CDC14A: variants seen among roughly 807,000 people sequenced by gnomAD.
CDC14A encodes the protein dual specificity protein phosphatase CDC14A.
A neutral mutation model predicts 74.4 loss-of-function variants in CDC14A; 53 were observed. That is an observed-to-expected ratio of 0.71 (90% confidence interval 0.57 to 0.89). The LOEUF is 0.89. Among genes scored for constraint, CDC14A ranks in the 40% least tolerant of loss-of-function variants. The pLI is 0.00. For missense variants in CDC14A, 646 were observed against 713.7 expected (o/e 0.91, Z 1.08); for synonymous variants, 247 against 258.4 (o/e 0.96, Z 0.43).
At chr1:100,492,804 C>T (rs1288456783) in intron 11 of CDC14A, among the ~76,000 whole-genome samples, 1 of 151,770 alleles carries the variant, frequency 6.6e-6, no homozygotes, top group Non-Finnish European at 1.5e-5. Context: ...GAAGACATTT[C>T]TCCCTTCTAA....
chr1:100,416,197 G>A (rs1389666842), intron 4 of CDC14A, among the ~76,000 whole-genome samples: 2 of 152,126 alleles, frequency 1.3e-5, no homozygotes, highest in Non-Finnish European at 2.9e-5. Context: ...TCTTTTCATG[G>A]ACTTGTGTGG....
intron 9 of CDC14A, among the ~76,000 whole-genome samples, chr1:100,463,403 A>G (rs1315646513): frequency 3.9e-5 from 6 of 152,074 alleles, no homozygotes; most frequent in African/African-American, 2.4e-5. Context: ...GCTAGGGGCA[A>G]TCCGCTAGCT....
intron 4 of CDC14A, among the ~76,000 whole-genome samples, chr1:100,417,097 G>A (rs1661627266): frequency 6.6e-6 from 1 of 152,130 alleles, no homozygotes; most frequent in Admixed American, 6.6e-5. Flanking sequence ...GAAACAAACT[G>A]GTATACGAAT....
intron 5 of CDC14A, among the ~76,000 whole-genome samples, chr1:100,425,186 A>G (rs904570258): frequency 2.0e-5 from 3 of 152,136 alleles, no homozygotes; most frequent in African/African-American, 7.2e-5. Context: ...AAATACATAC[A>G]TACATACAGT....
At chr1:100,450,562 C>T (rs993698931) in intron 7 of CDC14A, among the ~76,000 whole-genome samples, 1 of 152,078 alleles carries the variant, frequency 6.6e-6, no homozygotes, top group Admixed American at 6.5e-5. Flanking sequence ...GAAGCATTCT[C>T]CTGGAGCTGT....
chr1:100,431,105 C>G (rs1448913085), intron 5 of CDC14A, among the ~76,000 whole-genome samples: 1 of 152,198 alleles, frequency 6.6e-6, no homozygotes, highest in Non-Finnish European at 1.5e-5. Context: ...TGAAAAAAGA[C>G]TCTTTGTCAG....
At chr1:100,512,519 T>A (rs1649866412) in intron 15 of CDC14A, among the ~76,000 whole-genome samples, 1 of 152,146 alleles carries the variant, frequency 6.6e-6, no homozygotes. Context: ...TTTAACTGAG[T>A]TTGCATCAAT....
intron 10 of CDC14A, among the ~76,000 whole-genome samples, chr1:100,474,385 G>A (rs942238834): frequency 2.0e-5 from 3 of 152,118 alleles, no homozygotes; most frequent in African/African-American, 7.2e-5. Context: ...CTGTTTCCTG[G>A]AAGAGATTGT....
intron 15 of CDC14A, among the ~76,000 whole-genome samples, chr1:100,512,443 G>A (rs917108761): frequency 4.6e-5 from 7 of 152,050 alleles, no homozygotes; most frequent in African/African-American, 1.7e-4. Context: ...TTTAATATAC[G>A]GTAATCTGGG....
intron 2 of CDC14A, among the ~76,000 whole-genome samples, chr1:100,356,958 G>T (rs1652003033): frequency 6.6e-6 from 1 of 151,824 alleles, no homozygotes; most frequent in African/African-American, 2.4e-5. Flanking sequence ...GAAGCCATGT[G>T]ACCTGGCAAC....
At chr1:100,360,564 C>G (rs1278487050) in intron 2 of CDC14A, among the ~76,000 whole-genome samples, 1 of 151,636 alleles carries the variant, frequency 6.6e-6, no homozygotes, top group Non-Finnish European at 1.5e-5. Flanking sequence ...AGGCTGGTCT[C>G]GAACTCCTGG....
intron 4 of CDC14A, among the ~76,000 whole-genome samples, chr1:100,406,090 A>G (rs566948086): frequency 6.7e-4 from 102 of 152,244 alleles, no homozygotes; most frequent in Non-Finnish European, 1.4e-3. Context: ...ATGAGATGGT[A>G]TCTCATTGTG....
upstream of CDC14A, among the ~76,000 whole-genome samples, chr1:100,347,529 C>T (rs1177964352): frequency 6.6e-6 from 1 of 152,194 alleles, no homozygotes; most frequent in Non-Finnish European, 1.5e-5. Context: ...AGGCTAAGGT[C>T]TTATCATTTG....
chr1:100,470,291 A>C (rs1668265148), intron 10 of CDC14A, among the ~76,000 whole-genome samples: 3 of 152,122 alleles, frequency 2.0e-5, no homozygotes, highest in Admixed American at 2.0e-4. Context: ...AATAGAAGGA[A>C]ATTTCCTCAT....
chr1:100,353,478 C>T (rs1393585891), intron 1 of CDC14A, among the ~76,000 whole-genome samples: 1 of 152,230 alleles, frequency 6.6e-6, no homozygotes, highest in African/African-American at 2.4e-5. Flanking sequence ...ACCAAACTTG[C>T]ACCTCCAGTT....
At chr1:100,356,252 G>A (rs1364457292) in intron 2 of CDC14A, among the ~76,000 whole-genome samples, 1 of 152,202 alleles carries the variant, frequency 6.6e-6, no homozygotes, top group East Asian at 1.9e-4. Context: ...GACTTGATTT[G>A]TGCTAATTAC....
intron 3 of CDC14A, among the ~76,000 whole-genome samples, chr1:100,389,145 G>C: frequency 7.2e-6 from 1 of 139,774 alleles, no homozygotes; most frequent in Admixed American, 7.5e-5. Context: ...CTGCGCTCCA[G>C]CCTGGGTGCT....
At chr1:100,401,280 C>T (rs1184344450) in intron 4 of CDC14A, among the ~76,000 whole-genome samples, 3 of 152,172 alleles carry the variant, frequency 2.0e-5, no homozygotes, top group African/African-American at 4.8e-5. Context: ...ACAATAGCCC[C>T]AGTATCTAGA....
chr1:100,509,689 T>C (rs549996944), intron 15 of CDC14A, among the ~76,000 whole-genome samples: 55 of 152,358 alleles, frequency 3.6e-4, no homozygotes, highest in African/African-American at 1.2e-3. Flanking sequence ...TGTAAAATCA[T>C]TGGATTTGCC....
Sources: allele counts gnomAD v4.1 joint callset (sites outside exome capture counted in the v4.1 genomes callset), GRCh38; gene constraint gnomAD v4.1.1; transcripts MANE v1.5; gene names NCBI Gene and HGNC (gene_info 2026-07-23, HGNC 2026-07-21).